LMX1B: variants seen among roughly 807,000 people sequenced by gnomAD.
LMX1B encodes LIM homeobox transcription factor 1-beta.
Under a neutral mutation model 51.4 loss-of-function variants are expected in LMX1B, and 12 were observed. The observed-to-expected ratio is 0.23, with a 90% confidence interval of 0.15 to 0.38. The LOEUF is 0.38. Ranked by LOEUF, LMX1B falls within the 10% of genes least tolerant of loss-of-function variation. The probability of loss-of-function intolerance (pLI) is 1.00; values close to 1 mark genes in which losing one functional copy is unlikely to be tolerated. For synonymous variants in LMX1B, 237 were observed against 235.4 expected (o/e 1.01, Z -0.06); for missense variants, 445 against 571.1 (o/e 0.78, Z 2.25).
chr9:126,666,609 T>C (rs1184147409), intron 2 of LMX1B, among the ~76,000 whole-genome samples: 2 of 152,244 alleles, frequency 1.3e-5, no homozygotes, highest in African/African-American at 2.4e-5. Context: ...CGCCATTCTA[T>C]GTGCTTTACG....
At chr9:126,628,518 T>G (rs1835574539) in intron 2 of LMX1B, among the ~76,000 whole-genome samples, 1 of 152,226 alleles carries the variant, frequency 6.6e-6, no homozygotes, top group Non-Finnish European at 1.5e-5. Flanking sequence ...GTTCAGGACA[T>G]GGCTTTGGAA....
rs757006856 is a variant in LMX1B at position 126,695,795 on chromosome 9, G to C, written c.887-44G>C. The stretch of plus-strand genomic sequence containing the variant: ...GGAGGCTGCTGGGGTGTAGCTGGGA[G>C]GGCGTGGACCAGGCCAGGGGGTGAA... On this transcript the variant is annotated intron_variant, in intron 6 of 7. Transcript: ENST00000373474. This position sits in a 1 kb window ranked among gnomAD's most constrained non-coding sequence, Gnocchi z 5.2. 5 of 1,606,314 alleles carry C rather than the reference G, an allele frequency of 3.1e-6. No individual in the cohort carries two copies. Among genetic ancestry groups the C allele is most frequent in the Non-Finnish European group, 4.3e-6 (5 of 1,175,800 alleles).
rs1836447096 is a variant in LMX1B, at chr9:126,671,376, C to T, written c.327-19460C>T. Among the ~76,000 whole-genome samples the T allele has an allele frequency of 6.6e-6, 1 of 152,122 alleles. No homozygotes were observed. The highest frequency in any genetic ancestry group is 6.5e-5 in the Admixed American group (1 of 15,284). ...CCCGCCAGGCCCACAGCCCTCCCCT[C>T]CCAGCAGCTGGGCCCGGGCTCAGCT... On this transcript the variant is annotated intron_variant, in intron 2 of 7. Transcript: ENST00000373474. This position sits in a 1 kb window ranked among gnomAD's most constrained non-coding sequence, Gnocchi z 4.4.
intron 2 of LMX1B, among the ~76,000 whole-genome samples, chr9:126,683,807 G>A (rs573168792): frequency 6.6e-6 from 1 of 152,292 alleles, no homozygotes; most frequent in African/African-American, 2.4e-5. Context: ...GAGCGGAGAG[G>A]GCTTGTCCCA....
chr9:126,696,143 ACAGGAAGGGCCC>A, intron 7 of LMX1B, 139 bp from the exon 8 acceptor site: 2 of 1,149,430 alleles, frequency 1.7e-6, no homozygotes, highest in Non-Finnish European at 2.5e-6. Flanking sequence ...GCCCCTGCTG[ACAGGAAGGGCCC>A]CAGTCCTTCT....
At chr9:126,622,895 G>C (rs1835443965) in intron 2 of LMX1B, among the ~76,000 whole-genome samples, 1 of 152,256 alleles carries the variant, frequency 6.6e-6, no homozygotes, top group African/African-American at 2.4e-5. Flanking sequence ...AGGACTGACA[G>C]CTCTTCCTGA....
intron 2 of LMX1B, among the ~76,000 whole-genome samples, chr9:126,644,989 T>C (rs931635934): frequency 3.3e-5 from 5 of 152,192 alleles, no homozygotes; most frequent in African/African-American, 1.2e-4. Context: ...CAGTCTGCCG[T>C]GATAGAGCCC....
intron 2 of LMX1B, among the ~76,000 whole-genome samples, chr9:126,655,898 A>G (rs1836107404): frequency 6.6e-6 from 1 of 152,208 alleles, no homozygotes; most frequent in African/African-American, 2.4e-5. Flanking sequence ...TATGATGCAC[A>G]CCTGCTACTT....
chr9:126,628,185 A>C (rs1388079717), intron 2 of LMX1B, among the ~76,000 whole-genome samples: 1 of 152,014 alleles, frequency 6.6e-6, no homozygotes, highest in Non-Finnish European at 1.5e-5. Flanking sequence ...TCCTGTCTAT[A>C]GTGGGTCATG....
At chr9:126,640,496 C>A (rs530791028) in intron 2 of LMX1B, among the ~76,000 whole-genome samples, 1 of 152,304 alleles carries the variant, frequency 6.6e-6, no homozygotes, top group African/African-American at 2.4e-5. Context: ...GGGGGTGATT[C>A]TGTGACATGC....
rs1836167550 is a variant in LMX1B at position 126,658,689 on chromosome 9, T to C, written c.327-32147T>C. Among the ~76,000 whole-genome samples the C allele has an allele frequency of 6.6e-6, 1 of 152,232 alleles. No homozygotes were observed. Among genetic ancestry groups the C allele is most frequent in the African/African-American group, 2.4e-5 (1 of 41,472 alleles). ...CGAACGAGGCAGCTTTATAAATGGC[T>C]TTTATCACATTAGTTTGCAGTTATT... is the stretch of plus-strand genomic sequence containing the variant. On this transcript the variant is annotated intron_variant, in intron 2 of 7. Coordinates refer to ENST00000373474, the MANE Select transcript of LMX1B (RefSeq NM_001174147.2). The surrounding 1 kb of genome is among the most constrained non-coding windows in gnomAD (Gnocchi z 4.0).
intron 2 of LMX1B, among the ~76,000 whole-genome samples, chr9:126,648,579 A>T (rs1343719633): frequency 6.6e-6 from 1 of 152,198 alleles, no homozygotes; most frequent in Non-Finnish European, 1.5e-5. Context: ...CTCAGGGGGC[A>T]TGAGAGGACT....
chr9:126,682,912 A>AAAAAAG (rs1554727761), intron 2 of LMX1B, among the ~76,000 whole-genome samples: 1 of 148,570 alleles, frequency 6.7e-6, no homozygotes, highest in Non-Finnish European at 1.5e-5. Flanking sequence ...AAAAAAAAAA[A>AAAAAAG]AAAGAAAGAA....
At chr9:126,628,832 GCA>G (rs1835580637) in intron 2 of LMX1B, among the ~76,000 whole-genome samples, 1 of 151,974 alleles carries the variant, frequency 6.6e-6, no homozygotes, top group Non-Finnish European at 1.5e-5. Context: ...AGCTAGTCCC[GCA>G]CAGAGCACAG....
At chr9:126,683,314 C>G (rs1030127732) in intron 2 of LMX1B, among the ~76,000 whole-genome samples, 3 of 151,814 alleles carry the variant, frequency 2.0e-5, no homozygotes, top group Non-Finnish European at 4.4e-5. Context: ...CCGCCCGGCC[C>G]GCGGCCGCCG....
At chr9:126,664,174 C>G (rs1444157686) in intron 2 of LMX1B, among the ~76,000 whole-genome samples, 1 of 152,184 alleles carries the variant, frequency 6.6e-6, no homozygotes, top group African/African-American at 2.4e-5. Context: ...GGCCCCAGGT[C>G]TGAGGCTGTC....
At chr9:126,636,238 G>A (rs1280976687) in intron 2 of LMX1B, among the ~76,000 whole-genome samples, 1 of 152,180 alleles carries the variant, frequency 6.6e-6, no homozygotes, top group African/African-American at 2.4e-5. Context: ...AGCTTGTAAA[G>A]GCCCTGATGG....
intron 2 of LMX1B, among the ~76,000 whole-genome samples, chr9:126,688,851 G>A (rs1314559643): frequency 6.6e-6 from 1 of 152,176 alleles, no homozygotes; most frequent in Non-Finnish European, 1.5e-5. Flanking sequence ...CACTCACGGA[G>A]GCCCCCTTGA....
chr9:126,670,996 C>T (rs924499882), intron 2 of LMX1B, among the ~76,000 whole-genome samples: 3 of 152,174 alleles, frequency 2.0e-5, no homozygotes, highest in Admixed American at 6.5e-5. Flanking sequence ...CTAGCTGCCA[C>T]CACTGTGGTT....
Sources: gnomAD v4.1 joint callset for allele counts (sites outside exome capture counted in the v4.1 genomes callset) on GRCh38, gnomAD v4.1.1 for gene constraint, Gnocchi (gnomAD v3.1) non-coding constraint, MANE v1.5 for transcripts, NCBI Gene and HGNC (gene_info 2026-07-23, HGNC 2026-07-21) for gene names.